The following PRKCZ variants were observed in gnomAD, a reference collection of about 807,000 sequenced individuals.
The protein encoded by PRKCZ is protein kinase C zeta, also known as protein kinase C zeta type.
A neutral mutation model predicts 79.5 loss-of-function variants in PRKCZ; 33 were observed. The observed-to-expected ratio is 0.41, with a 90% CI of 0.31 to 0.55. The LOEUF is 0.55. Ranked by LOEUF, PRKCZ falls within the 20% of genes least tolerant of loss-of-function variation. The probability of loss-of-function intolerance (pLI) is 0.19; values close to 1 mark genes in which losing one functional copy is unlikely to be tolerated. For synonymous variants in PRKCZ, 342 were observed against 320.9 expected (o/e 1.07, Z -0.70); for missense variants, 578 against 813.5 (o/e 0.71, Z 3.52).
chr1:2,120,286 A>ACTT (rs1671597796), intron 4 of PRKCZ, among the ~76,000 whole-genome samples: 1 of 74,612 alleles, frequency 1.3e-5, no homozygotes, highest in Non-Finnish European at 2.9e-5. Flanking sequence ...TCAGCCCTTG[A>ACTT]CTTTTCGTTT....
rs1456649131 is a variant in PRKCZ at position 2,121,702 on chromosome 1, T to A, written c.335-13560T>A. On this transcript the variant is annotated intron_variant, in intron 4 of 17. Coordinates refer to ENST00000378567, the MANE Select transcript of PRKCZ (RefSeq NM_002744.6). Reference sequence around the variant, plus strand: ...GTTAGGGTCACGGTGGTGGTTAGGGTCACGGTGGTAGTTAGGGTCACGGCG... The same window carrying A: ...GTTAGGGTCACGGTGGTGGTTAGGGACACGGTGGTAGTTAGGGTCACGGCG... 1.3e-3 allele frequency among the ~76,000 whole-genome samples: 77 copies of A among 61,034 alleles called. 14 individuals are homozygous for A. The highest frequency in any genetic ancestry group is 4.0e-3 in the African/African-American group (72 of 17,986). 40.0% of individuals were successfully genotyped at this position (61,034 alleles called of 152,430 possible).
chr1:2,059,046 C>T (rs1298441288), intron 3 of PRKCZ, among the ~76,000 whole-genome samples: 2 of 152,184 alleles, frequency 1.3e-5, no homozygotes, highest in Non-Finnish European at 2.9e-5. Context: ...CCTCTCATCT[C>T]GGCCTCCCAA....
Position 2,082,669 on chromosome 1 carries a change from C to T in PRKCZ, c.334+23078C>T, listed in dbSNP as rs574373926. 2.0e-5 allele frequency among the ~76,000 whole-genome samples: 3 copies of T among 152,244 alleles called. No individual in the cohort carries two copies. Among genetic ancestry groups the T allele is most frequent in the South Asian group, 2.1e-4 (1 of 4,816 alleles). ...GGAGTTGGGCAAGGGCGTACACGGT[C>T]GGCTTCTGAGAGTTGGTCCCCCCGC... On this transcript the variant is annotated intron_variant, in intron 4 of 17. Transcript: ENST00000378567. The surrounding 1 kb of genome is among the most constrained non-coding windows in gnomAD (Gnocchi z 4.4).
intron 11 of PRKCZ, among the ~76,000 whole-genome samples, chr1:2,170,724 A>G (rs780389001): frequency 1.5e-4 from 23 of 152,000 alleles, no homozygotes; most frequent in Non-Finnish European, 2.5e-4. Flanking sequence ...GACTCTAGGG[A>G]CCTCATCGGA....
In PRKCZ at chr1:2,173,047, G is replaced by A. The variant is rs1051161000; in HGVS notation, c.1285+659G>A. ...CCGTTGGGCTGAGTGTTCGTGTGTC[G>A]GGCATCCATGTGTGTTGTGTGCACA... On this transcript the variant is annotated intron_variant, in intron 13 of 17. Coordinates refer to ENST00000378567, the MANE Select transcript of PRKCZ (RefSeq NM_002744.6). This position sits in a 1 kb window ranked among gnomAD's most constrained non-coding sequence, Gnocchi z 5.7. Among the ~76,000 whole-genome samples the A allele has an allele frequency of 6.6e-6, 1 of 152,162 alleles. No homozygotes were observed. Among genetic ancestry groups the A allele is most frequent in the Non-Finnish European group, 1.5e-5 (1 of 68,040 alleles).
At chr1:2,090,619 T>C (rs1665326636) in intron 4 of PRKCZ, among the ~76,000 whole-genome samples, 1 of 152,232 alleles carries the variant, frequency 6.6e-6, no homozygotes, top group Admixed American at 6.5e-5. Flanking sequence ...GGAGGCCCCG[T>C]GCACATGTAG....
intron 4 of PRKCZ, among the ~76,000 whole-genome samples, chr1:2,115,904 C>T (rs1442529248): frequency 6.6e-6 from 1 of 152,140 alleles, no homozygotes; most frequent in Non-Finnish European, 1.5e-5. Context: ...GTGGAGGCTT[C>T]GTGACAGGCA....
chr1:2,060,620 C>T (rs547911341), intron 4 of PRKCZ, among the ~76,000 whole-genome samples: 53 of 152,338 alleles, frequency 3.5e-4, no homozygotes, highest in African/African-American at 1.2e-3. Context: ...CGTGGCATCC[C>T]GGTTCCAGGC....
intron 5 of PRKCZ, among the ~76,000 whole-genome samples, chr1:2,135,609 A>C (rs1311930392): frequency 6.6e-6 from 1 of 152,208 alleles, no homozygotes; most frequent in Non-Finnish European, 1.5e-5. Flanking sequence ...TGTGACTCTT[A>C]TCAGGGCTCA....
At chr1:2,059,328 C>T (rs1660458458) in intron 3 of PRKCZ, among the ~76,000 whole-genome samples, 1 of 152,222 alleles carries the variant, frequency 6.6e-6, no homozygotes, top group South Asian at 2.1e-4. Flanking sequence ...TTGCCTTTTA[C>T]TCTAAGTTTT....
At position 2,120,293 on chromosome 1, in the gene PRKCZ, GTTTTTTTTTTTTTT is replaced by G. The variant is rs59518072; in HGVS notation, c.335-14953_335-14940del. ...GGAAAATATCAGCCCTTGACTTTTC[GTTTTTTTTTTTTTT>G]TTTTTTTTTTTTTTTGAGTCTCGCT... is the stretch of plus-strand genomic sequence containing the variant. On this transcript the variant is annotated intron_variant, in intron 4 of 17. Transcript: ENST00000378567. 7.1e-3 allele frequency among the ~76,000 whole-genome samples: 233 copies of G among 32,828 alleles called. 1 individual carries two copies. The highest frequency in any genetic ancestry group is 0.026 in the African/African-American group (214 of 8,312). 21.5% of individuals were successfully genotyped at this position (32,828 alleles called of 152,430 possible).
intron 4 of PRKCZ, among the ~76,000 whole-genome samples, chr1:2,095,829 C>G (rs1275879331): frequency 3.0e-5 from 4 of 135,374 alleles, no homozygotes; most frequent in African/African-American, 5.7e-5. Context: ...TGTCCCTTCC[C>G]CTCCCTTCTC....
chr1:2,174,644 G>A lies in PRKCZ; in HGVS notation c.1406-110G>A, dbSNP rs1479563599. On this transcript the variant is annotated intron_variant, in intron 14 of 17. Transcript: ENST00000378567. This position sits in a 1 kb window ranked among gnomAD's most constrained non-coding sequence, Gnocchi z 6.2. ...TGGGCTGTAGGAAGGGAGGGGCTCCGGGGCCCCAAGGCTGAGCTCCCAAAG... is the reference window on the plus strand; with the variant it reads ...TGGGCTGTAGGAAGGGAGGGGCTCCAGGGCCCCAAGGCTGAGCTCCCAAAG... 6.4e-5 allele frequency: 74 copies of A among 1,159,786 alleles called. 1 individual carries two copies. In the Admixed American group the frequency reaches 1.1e-3, roughly 17 times the overall value. The allele number at this position is 1,159,786 out of a possible 1,614,324, so 71.8% of individuals were successfully genotyped here.
chr1:2,103,027 G>A (rs1331179792), intron 4 of PRKCZ, among the ~76,000 whole-genome samples: 9 of 152,024 alleles, frequency 5.9e-5, no homozygotes, highest in South Asian at 2.1e-4. Flanking sequence ...GCACCACCAC[G>A]CTTGGCTAAT....
At chr1:2,102,203 C>T (rs1256237509) in intron 4 of PRKCZ, among the ~76,000 whole-genome samples, 1 of 152,164 alleles carries the variant, frequency 6.6e-6, no homozygotes, top group African/African-American at 2.4e-5. Flanking sequence ...GACCTCCACA[C>T]CAGTTCAGCC....
At chr1:2,118,249 G>C (rs1323398072) in intron 4 of PRKCZ, among the ~76,000 whole-genome samples, 1 of 151,534 alleles carries the variant, frequency 6.6e-6, no homozygotes, top group African/African-American at 2.4e-5. Context: ...CGCCCGCCTT[G>C]GCCTCCCAAA....
upstream of PRKCZ, among the ~76,000 whole-genome samples, chr1:2,048,594 T>TG (rs1253501447): frequency 1.3e-5 from 2 of 151,988 alleles, no homozygotes; most frequent in Non-Finnish European, 2.9e-5. Flanking sequence ...TGGGAACCAC[T>TG]GGGGGGACTT....
chr1:2,079,217 G>A (rs1056774405), intron 4 of PRKCZ, among the ~76,000 whole-genome samples: 5 of 152,182 alleles, frequency 3.3e-5, no homozygotes, highest in South Asian at 2.1e-4. Flanking sequence ...GGGGTTATTC[G>A]TCCCGGCTGA....
Position 2,102,918 on chromosome 1 carries a change from C to T in PRKCZ, c.335-32344C>T, listed in dbSNP as rs576038746. On this transcript the variant is annotated intron_variant, in intron 4 of 17. Transcript: ENST00000378567. ...CTCAAGAGACAGGGTCTTGCTCTGT[C>T]GCCCAGGCTGGAGTACAGTGGTACA... is the stretch of plus-strand genomic sequence containing the variant. 8.6e-5 allele frequency among the ~76,000 whole-genome samples: 13 copies of T among 151,672 alleles called. 1 individual carries two copies. In the South Asian group the frequency reaches 1.0e-3, roughly 12 times the overall value.
Sources: allele counts gnomAD v4.1 joint callset (sites outside exome capture counted in the v4.1 genomes callset), GRCh38; gene constraint gnomAD v4.1.1; non-coding constraint Gnocchi (gnomAD v3.1); transcripts MANE v1.5; gene names NCBI Gene and HGNC (gene_info 2026-07-23, HGNC 2026-07-21).